IL1RAPL1: variants seen among roughly 807,000 people sequenced by gnomAD.
IL1RAPL1 encodes interleukin 1 receptor accessory protein like 1, also known as interleukin-1 receptor accessory protein-like 1.
A neutral mutation model predicts 48.4 loss-of-function variants in IL1RAPL1; 3 were observed. The observed-to-expected ratio is 0.06, with a 90% CI of 0.03 to 0.16. The LOEUF is 0.16. IL1RAPL1 is among the 10% of genes least tolerant of loss of function. The pLI is 1.00. For missense variants in IL1RAPL1, 349 were observed against 530.6 expected (o/e 0.66, Z 3.36); for synonymous variants, 185 against 187.7 (o/e 0.99, Z 0.12).
At chrX:28,791,333 A>C (rs2147266115) in intron 2 of IL1RAPL1, among the ~76,000 whole-genome samples, 1 of 111,981 alleles carries the variant, frequency 8.9e-6, no homozygotes, top group South Asian at 3.7e-4. Flanking sequence ...AAATGCAAAT[A>C]TTAAAATGTC....
intron 5 of IL1RAPL1, among the ~76,000 whole-genome samples, chrX:29,584,141 A>T (rs1054784487): frequency 9.0e-6 from 1 of 111,151 alleles, no homozygotes; most frequent in Admixed American, 9.6e-5. Context: ...TAACTTGTTT[A>T]TGCGGTCTTC....
Position 29,649,939 on chromosome X carries a change from A to G in IL1RAPL1, c.704-18491A>G, listed in dbSNP as rs150920112. Among the ~76,000 whole-genome samples the G allele has an allele frequency of 0.023, 2,616 of 111,711 alleles. 88 individuals are homozygous for G. The East Asian group carries it at 0.24, about 10-fold the overall frequency. On this transcript the variant is annotated intron_variant, in intron 5 of 10. Coordinates refer to ENST00000378993, the MANE Select transcript of IL1RAPL1 (RefSeq NM_014271.4). Reference sequence around the variant, plus strand: ...CAAGATATAAAATCAGCATATAATAATTAGTAACATTTCTATACACTAACA... The same window carrying G: ...CAAGATATAAAATCAGCATATAATAGTTAGTAACATTTCTATACACTAACA...
rs1382342643 is a variant in IL1RAPL1 at position 29,872,644 on chromosome X, T to C, written c.779-44820T>C. ...AGATGTCTTACCTGTAAAGTGTCTTTCACTATAATTAGTCTTTCTGACTAA... is the reference window on the plus strand; with the variant it reads ...AGATGTCTTACCTGTAAAGTGTCTTCCACTATAATTAGTCTTTCTGACTAA... On this transcript the variant is annotated intron_variant, in intron 6 of 10. Transcript: ENST00000378993. 1.2e-4 allele frequency among the ~76,000 whole-genome samples: 13 copies of C among 111,984 alleles called. No homozygotes were observed. The Admixed American group carries it at 1.2e-3, about 11-fold the overall frequency.
intron 3 of IL1RAPL1, among the ~76,000 whole-genome samples, chrX:29,306,865 A>G (rs1932633643): frequency 1.9e-5 from 2 of 106,581 alleles, no homozygotes; most frequent in African/African-American, 3.4e-5. Flanking sequence ...TGTCTCAAAA[A>G]AAAAAAAAAA....
chrX:29,084,283 A>G (rs12840945), intron 2 of IL1RAPL1, among the ~76,000 whole-genome samples: 2 of 112,396 alleles, frequency 1.8e-5, no homozygotes, highest in African/African-American at 6.5e-5. Context: ...CTGTGATGAA[A>G]CAGACTTCAG....
chrX:29,105,347 G>C (rs776230302), intron 2 of IL1RAPL1, among the ~76,000 whole-genome samples: 49 of 111,543 alleles, frequency 4.4e-4, no homozygotes, highest in Non-Finnish European at 8.1e-4. Context: ...CCAGTATTTT[G>C]CCACTAAAGT....
At chrX:29,827,845 G>A (rs1026167960) in intron 6 of IL1RAPL1, among the ~76,000 whole-genome samples, 1 of 112,324 alleles carries the variant, frequency 8.9e-6, no homozygotes, top group East Asian at 2.8e-4. Context: ...AGAGATGTGT[G>A]GCACATAGTG....
At chrX:28,841,738 A>T (rs73631611) in intron 2 of IL1RAPL1, among the ~76,000 whole-genome samples, 2,680 of 110,611 alleles carry the variant, frequency 0.024, 80 homozygotes, top group African/African-American at 0.083. Flanking sequence ...TCTATAACAA[A>T]CAAAAGGCCA....
intron 2 of IL1RAPL1, among the ~76,000 whole-genome samples, chrX:28,851,624 G>A (rs1251242494): frequency 8.9e-6 from 1 of 111,786 alleles, no homozygotes. Context: ...CATCGAAGGA[G>A]CAGCTGAAGG....
At chrX:28,887,473 A>C (rs1922663043) in intron 2 of IL1RAPL1, among the ~76,000 whole-genome samples, 1 of 112,450 alleles carries the variant, frequency 8.9e-6, no homozygotes, top group African/African-American at 3.2e-5. Flanking sequence ...CATCTAGCTT[A>C]AGTAATAAAA....
chrX:28,645,053 T>TA (rs1024938058), intron 1 of IL1RAPL1, among the ~76,000 whole-genome samples: 9 of 109,760 alleles, frequency 8.2e-5, no homozygotes. Context: ...AAAGTATGGA[T>TA]AAAAGGGAGA....
At chrX:29,240,193 CACAT>C (rs1203419718) in intron 2 of IL1RAPL1, among the ~76,000 whole-genome samples, 44 of 36,632 alleles carry the variant, frequency 1.2e-3, no homozygotes, top group African/African-American at 4.5e-3. Flanking sequence ...TACACACACA[CACAT>C]ATATATATAT....
intron 6 of IL1RAPL1, among the ~76,000 whole-genome samples, chrX:29,671,892 T>G (rs775450915): frequency 7.1e-5 from 8 of 112,297 alleles, no homozygotes; most frequent in South Asian, 7.3e-4. Flanking sequence ...CAGAATTCAC[T>G]GAAAATTATC....
rs997399802 is a variant in IL1RAPL1 at position 29,144,812 on chromosome X, C to T, written c.83-138126C>T. On this transcript the variant is annotated intron_variant, in intron 2 of 10. Coordinates refer to ENST00000378993, the MANE Select transcript of IL1RAPL1 (RefSeq NM_014271.4). ...TTCAATCTCAGCTCACTTCAACCTC[C>T]GCCTCCCGGGTTCAAGGAATTCTCC... 5.7e-5 allele frequency among the ~76,000 whole-genome samples: 6 copies of T among 105,422 alleles called. No homozygotes were observed. The East Asian group carries it at 1.5e-3, about 27-fold the overall frequency. 91.5% of individuals were successfully genotyped at this position (105,422 alleles called of 115,157 possible).
intron 2 of IL1RAPL1, among the ~76,000 whole-genome samples, chrX:28,862,206 C>T (rs1253282297): frequency 3.6e-5 from 4 of 111,998 alleles, no homozygotes; most frequent in Non-Finnish European, 7.5e-5. Flanking sequence ...TTATTGTGTG[C>T]TTATGTATAT....
At chrX:29,695,407 C>CTTG (rs1173595242) in intron 6 of IL1RAPL1, among the ~76,000 whole-genome samples, 3 of 111,475 alleles carry the variant, frequency 2.7e-5, no homozygotes, top group Non-Finnish European at 5.6e-5. Context: ...TTTGAAGATA[C>CTTG]TTGCAGTCAT....
chrX:28,978,084 A>G (rs747957211), intron 2 of IL1RAPL1, among the ~76,000 whole-genome samples: 1 of 112,384 alleles, frequency 8.9e-6, no homozygotes, highest in African/African-American at 3.2e-5. Context: ...GGATGTTTTT[A>G]AGATGGGAAA....
chrX:28,757,224 A>T (rs967441008), intron 1 of IL1RAPL1, among the ~76,000 whole-genome samples: 1 of 112,366 alleles, frequency 8.9e-6, no homozygotes, highest in South Asian at 3.7e-4. Flanking sequence ...TAAGTTGCCT[A>T]TCCCAACTTT....
In IL1RAPL1 at chrX:28,784,322, G is replaced by A. The variant is rs1175330672; in HGVS notation, c.-24-4998G>A. On this transcript the variant is annotated intron_variant, in intron 1 of 10. Transcript: ENST00000378993. ...AATGGTTGCTTTAATCTTGAATATA[G>A]TAATGGCAAAACTTTAAATATTAAG... is the stretch of plus-strand genomic sequence containing the variant. 2.7e-5 allele frequency among the ~76,000 whole-genome samples: 3 copies of A among 111,949 alleles called. No homozygotes were observed. In the East Asian group the frequency reaches 8.4e-4, roughly 31 times the overall value.
Sources: gnomAD v4.1 joint callset for allele counts (sites outside exome capture counted in the v4.1 genomes callset) on GRCh38, gnomAD v4.1.1 for gene constraint, MANE v1.5 for transcripts, NCBI Gene and HGNC (gene_info 2026-07-23, HGNC 2026-07-21) for gene names.